SPRY3: variants seen among roughly 807,000 people sequenced by gnomAD.
SPRY3 encodes the protein protein sprouty homolog 3.
In SPRY3, 15 loss-of-function variants were observed where a neutral mutation model predicts 20.2. The observed-to-expected ratio is 0.74, with a 90% CI of 0.50 to 1.14. The LOEUF (loss-of-function observed/expected upper bound fraction) is 1.14, where lower values mean the gene tolerates loss of function less well. Among genes scored for constraint, SPRY3 ranks in the 50% most tolerant of loss-of-function variants. The probability of loss-of-function intolerance (pLI) is 0.00; values close to 1 mark genes in which losing one functional copy is unlikely to be tolerated. For synonymous variants in SPRY3, 143 were observed against 136.5 expected (o/e 1.05, Z -0.33); for missense variants, 364 against 363.9 (o/e 1.00, Z 0.00).
chrX:155,758,672 G>A lies in SPRY3; in HGVS notation c.-281-9290G>A, dbSNP rs1461915925. Among the ~76,000 whole-genome samples, 2 of 152,128 alleles carry A rather than the reference G, an allele frequency of 1.3e-5. 1 individual carries two copies. The highest frequency in any genetic ancestry group is 2.9e-5 in the Non-Finnish European group (2 of 68,022). On this transcript the variant is annotated intron_variant, in intron 2 of 3. Transcript: ENST00000675360. ...GATTTGGGATGTGTCCTGGGAGAAA[G>A]AGAATGAGGAAAGACTTTCAGAATT...
chrX:155,762,588 A>G (rs2091308717), intron 2 of SPRY3, among the ~76,000 whole-genome samples: 2 of 152,160 alleles, frequency 1.3e-5, no homozygotes, highest in Admixed American at 1.3e-4. Flanking sequence ...TTGTGATGTC[A>G]TCTCAAATAA....
At chrX:155,744,141 A>C (rs1233480091) in intron 2 of SPRY3, among the ~76,000 whole-genome samples, 2 of 152,100 alleles carry the variant, frequency 1.3e-5, no homozygotes, top group East Asian at 3.9e-4. Flanking sequence ...GAGGCCACCT[A>C]TGAACTGGGT....
intron 2 of SPRY3, among the ~76,000 whole-genome samples, chrX:155,737,188 T>G (rs1801198887): frequency 1.3e-5 from 2 of 152,158 alleles, no homozygotes; most frequent in African/African-American, 4.8e-5. Context: ...TTCTGCTGCA[T>G]CCAAGTGTGG....
chrX:155,743,757 C>A (rs1354908923), intron 2 of SPRY3, among the ~76,000 whole-genome samples: 7 of 151,824 alleles, frequency 4.6e-5, no homozygotes, highest in African/African-American at 1.7e-4. Context: ...GAACATAAAA[C>A]AATTCAAATT....
At chrX:155,751,193 G>A (rs1326142613) in intron 2 of SPRY3, among the ~76,000 whole-genome samples, 3 of 151,768 alleles carry the variant, frequency 2.0e-5, no homozygotes, top group Non-Finnish European at 4.4e-5. Context: ...GATTGTGTAA[G>A]TAGTATAGCT....
At chrX:155,634,816 A>G (rs2067918032) in intron 1 of SPRY3, among the ~76,000 whole-genome samples, 1 of 108,401 alleles carries the variant, frequency 9.2e-6, no homozygotes, top group Non-Finnish European at 1.9e-5. Context: ...AGGTCGCAAG[A>G]TAACTTAGGG....
intron 2 of SPRY3, among the ~76,000 whole-genome samples, chrX:155,726,961 G>A (rs1283806839): frequency 6.6e-6 from 1 of 152,110 alleles, no homozygotes; most frequent in Non-Finnish European, 1.5e-5. Context: ...GCTGGTACTG[G>A]TTGTTCCTTT....
intron 2 of SPRY3, among the ~76,000 whole-genome samples, chrX:155,683,063 T>C (rs935960304): frequency 4.5e-5 from 5 of 111,399 alleles, no homozygotes; most frequent in African/African-American, 1.6e-4. Flanking sequence ...TGACGAGGAG[T>C]TGCTTCTAAT....
chrX:155,708,510 A>G (rs1453686854), intron 2 of SPRY3, among the ~76,000 whole-genome samples: 1 of 151,336 alleles, frequency 6.6e-6, no homozygotes, highest in Non-Finnish European at 1.5e-5. Context: ...TTTATCTTAT[A>G]TGGCATTTGC....
At chrX:155,716,551 A>G (rs1335076938) in intron 2 of SPRY3, among the ~76,000 whole-genome samples, 5 of 151,392 alleles carry the variant, frequency 3.3e-5, no homozygotes, top group Admixed American at 6.6e-5. Flanking sequence ...TATTTCATCA[A>G]CTTAATTCTG....
intron 2 of SPRY3, among the ~76,000 whole-genome samples, chrX:155,722,862 C>T (rs2091069430): frequency 1.3e-5 from 2 of 152,004 alleles, no homozygotes; most frequent in South Asian, 4.2e-4. Flanking sequence ...ATACATGTGC[C>T]ATGTTGGTTT....
chrX:155,746,493 C>T (rs1460642297), intron 2 of SPRY3, among the ~76,000 whole-genome samples: 1 of 151,952 alleles, frequency 6.6e-6, no homozygotes, highest in Non-Finnish European at 1.5e-5. Flanking sequence ...ATTAAATTTT[C>T]TATTCTCCAA....
chrX:155,774,991 C>G, exon 4 of SPRY3: 2 of 581,468 alleles, frequency 3.4e-6, no homozygotes, highest in Admixed American at 6.6e-5. Context: ...ATGGCAAATT[C>G]AGGTGATATA....
intron 1 of SPRY3, among the ~76,000 whole-genome samples, chrX:155,653,487 T>A (rs1350032104): frequency 1.8e-5 from 2 of 112,180 alleles, no homozygotes; most frequent in Admixed American, 9.5e-5. Context: ...CAGAACCATT[T>A]GTTGAAGAGA....
intron 2 of SPRY3, among the ~76,000 whole-genome samples, chrX:155,764,114 A>G (rs1344101822): frequency 6.6e-6 from 1 of 152,158 alleles, no homozygotes; most frequent in Non-Finnish European, 1.5e-5. Context: ...AATATATCCA[A>G]ATTCAACTGG....
intron 1 of SPRY3, among the ~76,000 whole-genome samples, chrX:155,634,971 G>T (rs1483093640): frequency 1.8e-5 from 2 of 109,073 alleles, no homozygotes; most frequent in South Asian, 4.0e-4. Context: ...ATGTGCCATG[G>T]TGCTTTGCTG....
rs749459264 is a variant in SPRY3, at chrX:155,774,518, G to A, written c.647G>A (p.Ser216Asn). 4 of 1,613,972 alleles carry A rather than the reference G, an allele frequency of 2.5e-6. No homozygotes were observed. In the South Asian group the frequency reaches 4.4e-5, roughly 18 times the overall value. Residue 216 changes from serine to asparagine, a missense_variant, in exon 4 of 4, where the codon AGT becomes AAT. Ser to Asn is a conservative substitution (Grantham distance 46). Transcript: ENST00000675360. ...GATGAGCCCTGCTCTTGTGGGCCTA[G>A]TTCTTGCTTTGTCCGCTGGGCAGCC... is the stretch of plus-strand genomic sequence containing the variant.
chrX:155,734,260 G>A (rs2091153488), intron 2 of SPRY3, among the ~76,000 whole-genome samples: 2 of 151,990 alleles, frequency 1.3e-5, no homozygotes, highest in African/African-American at 2.4e-5. Flanking sequence ...AAAGGCCATT[G>A]TAAGGTTATT....
intron 2 of SPRY3, among the ~76,000 whole-genome samples, chrX:155,665,199 G>A (rs1205976958): frequency 3.6e-5 from 4 of 110,284 alleles, no homozygotes; most frequent in Non-Finnish European, 7.6e-5. Flanking sequence ...AATATTCACC[G>A]GATTGGCAAA....
Sources: gnomAD v4.1 joint callset for allele counts (sites outside exome capture counted in the v4.1 genomes callset) on GRCh38, gnomAD v4.1.1 for gene constraint, MANE v1.5 for transcripts, NCBI Gene and HGNC (gene_info 2026-07-23, HGNC 2026-07-21) for gene names.